The following NCOA3 variants were observed in gnomAD, a reference collection of about 807,000 sequenced individuals.
The protein encoded by NCOA3 is CBP-interacting protein.
In NCOA3, 51 loss-of-function variants were observed where a neutral mutation model predicts 158.8. The observed-to-expected ratio is 0.32, with a 90% confidence interval of 0.26 to 0.41. The LOEUF (loss-of-function observed/expected upper bound fraction) is 0.41, where lower values mean the gene tolerates loss of function less well. Ranked by LOEUF, NCOA3 falls within the 10% of genes least tolerant of loss-of-function variation. The pLI, the probability that NCOA3 is intolerant of heterozygous loss-of-function variation, is 1.00. For synonymous variants in NCOA3, 537 were observed against 592.4 expected, an observed-to-expected ratio of 0.91 and a Z score of 1.36; for missense variants, 1,510 against 1,746.6, an observed-to-expected ratio of 0.86 and a Z score of 2.41.
chr20:47,549,364 AT>A (rs2084892598), intron 1 of NCOA3, among the ~76,000 whole-genome samples: 1 of 150,558 alleles, frequency 6.6e-6, no homozygotes, highest in Non-Finnish European at 1.5e-5. Flanking sequence ...TTGACAAAAA[AT>A]TAAAAAAAAA....
At chr20:47,592,943 G>T (rs2085670679) in intron 2 of NCOA3, among the ~76,000 whole-genome samples, 2 of 152,036 alleles carry the variant, frequency 1.3e-5, no homozygotes, top group Admixed American at 1.3e-4. Flanking sequence ...ATGACAGACT[G>T]TTTTTTTGAG....
At position 47,636,394 on chromosome 20, in the gene NCOA3, A is replaced by G. The variant is rs1303122540; in HGVS notation, c.2008A>G (p.Thr670Ala). The G allele has an allele frequency of 6.2e-7, 1 of 1,614,132 alleles. No individual in the cohort carries two copies. Among genetic ancestry groups the G allele is most frequent in the Admixed American group, 1.7e-5 (1 of 60,010 alleles). ...CTCTACATCTGGAGGAGTATCCTCTACATCCAATATGCATGGGTCACTGTT... is the reference window on the plus strand; with the variant it reads ...CTCTACATCTGGAGGAGTATCCTCTGCATCCAATATGCATGGGTCACTGTT... ...SSSTSGGVSS[T>A]SNMHGSLLQE... The change falls in exon 12 of 23, where the codon ACA (threonine) becomes GCA (alanine). Residue 670 changes from threonine to alanine, a missense_variant. By Grantham distance (58) the Thr-to-Ala change is moderately conservative. This residue lies in a region of NCOA3 where 1,017 missense variants were observed against 1,098.3 expected (regional missense o/e 0.93). Coordinates refer to ENST00000371998, the MANE Select transcript of NCOA3 (RefSeq NM_181659.3).
chr20:47,550,446 G>GATAA (rs1555803263), intron 1 of NCOA3, among the ~76,000 whole-genome samples: 1 of 117,742 alleles, frequency 8.5e-6, no homozygotes, highest in Non-Finnish European at 1.7e-5. Flanking sequence ...CTCCGTCTCA[G>GATAA]AAAAAAAAAA....
chr20:47,639,638 A>G lies in NCOA3; in HGVS notation c.2769A>G (p.Pro923=), dbSNP rs1568748165. 6.2e-7 allele frequency: 1 copy of G among 1,613,954 alleles called. No homozygotes were observed. The highest frequency in any genetic ancestry group is 8.5e-7 in the Non-Finnish European group (1 of 1,179,876). ...QTPSSGDWGL[P]NSKAGRMEPM... is the part of the protein sequence containing the mutation. ...CTTCCTCAGGAGACTGGGGCTTACC[A>G]AACTCAAAGGCCGGCAGAATGGAAC... is the stretch of plus-strand genomic sequence containing the variant. The change falls in exon 15 of 23, where the codon CCA becomes CCG. Residue 923 remains proline, a synonymous_variant. Transcript: ENST00000371998.
In NCOA3 at chr20:47,642,217, C is replaced by T. The variant is rs1295957462; in HGVS notation, c.3085C>T (p.Leu1029Phe). ...TGATTGCAAGTCTTTTTCTAGGCCT[C>T]TTCTTAGGAATTCCCTGGATGATCT... ...QVSHGTQNRP[L>F]LRNSLDDLVG... The change falls in exon 17 of 23, where the codon CTT (leucine) becomes TTT (phenylalanine). Residue 1029 changes from leucine to phenylalanine, a missense_variant. Leu to Phe is a conservative substitution (Grantham distance 22). Coordinates refer to ENST00000371998, the MANE Select transcript of NCOA3 (RefSeq NM_181659.3). 3.2e-6 allele frequency: 5 copies of T among 1,579,000 alleles called. No individual in the cohort carries two copies. The highest frequency in any genetic ancestry group is 4.3e-6 in the Non-Finnish European group (5 of 1,168,252).
chr20:47,593,569 T>C (rs2146244326), intron 2 of NCOA3, among the ~76,000 whole-genome samples: 1 of 151,736 alleles, frequency 6.6e-6, no homozygotes, highest in East Asian at 2.0e-4. Context: ...GGTCTCGATC[T>C]CCTGACCTCG....
At chr20:47,525,932 CG>C (rs1255516580) in intron 1 of NCOA3, among the ~76,000 whole-genome samples, 8 of 64,934 alleles carry the variant, frequency 1.2e-4, no homozygotes, top group Non-Finnish European at 2.3e-4. Context: ...GCTGGCCGGG[CG>C]GGGGGCTGAC....
At position 47,637,765 on chromosome 20, in the gene NCOA3, C is replaced by A; in HGVS notation, c.2494C>A (p.Gln832Lys). ...SHLGTKQQVF[Q>K]GTNSLGLKSS... Reference sequence around the variant, plus strand: ...TCTGGGGACTAAGCAACAGGTGTTTCAAGGAACTAATTCTCTGGGTAAGAA... The same window carrying A: ...TCTGGGGACTAAGCAACAGGTGTTTAAAGGAACTAATTCTCTGGGTAAGAA... The change falls in exon 13 of 23, where the codon CAA becomes AAA. Residue 832 changes from glutamine to lysine, a missense_variant. By Grantham distance (53) the Gln-to-Lys change is moderately conservative. Around this residue, in one of 4 missense-constraint regions of NCOA3, gnomAD observed 1,017 missense variants for 1,098.3 expected, o/e 0.93. Transcript: ENST00000371998. The A allele has an allele frequency of 6.3e-7, 1 of 1,597,008 alleles. No homozygotes were observed. The highest frequency in any genetic ancestry group is 1.1e-5 in the South Asian group (1 of 87,488).
Position 47,522,607 on chromosome 20 carries a change from G to A in NCOA3, c.-99+20588G>A, listed in dbSNP as rs538702822. Among the ~76,000 whole-genome samples, 8 of 152,028 alleles carry A rather than the reference G, an allele frequency of 5.3e-5. No individual in the cohort carries two copies. The South Asian group carries it at 1.5e-3, about 28-fold the overall frequency. ...GCAGTGTTTGATTTGCATAGGGCTC[G>A]GGATTGGTTTGACTCAACAAATCAT... On this transcript the variant is annotated intron_variant, in intron 1 of 22. Transcript: ENST00000371998.
rs1301610377 is a variant in NCOA3 at position 47,634,203 on chromosome 20, T to C, written c.1112+8T>C. 11 of 1,610,768 alleles carry C rather than the reference T, an allele frequency of 6.8e-6. No homozygotes were observed. Among genetic ancestry groups the C allele is most frequent in the Non-Finnish European group, 9.3e-6 (11 of 1,177,658 alleles). ...AACCCACTTCCTTCAGAGGTAATGA[T>C]AGATTACTGTGTATTCTAATACAAA... On this transcript the variant is annotated splice_region_variant and intron_variant, in intron 10 of 22. Coordinates refer to ENST00000371998, the MANE Select transcript of NCOA3 (RefSeq NM_181659.3).
intron 1 of NCOA3, among the ~76,000 whole-genome samples, chr20:47,519,602 A>C (rs1337743592): frequency 2.0e-5 from 3 of 152,024 alleles, no homozygotes; most frequent in Non-Finnish European, 2.9e-5. Context: ...AAGACTGATA[A>C]AAAGACGGTG....
At chr20:47,601,853 T>A (rs1270724025) in intron 2 of NCOA3, among the ~76,000 whole-genome samples, 1 of 152,216 alleles carries the variant, frequency 6.6e-6, no homozygotes, top group Non-Finnish European at 1.5e-5. Flanking sequence ...TGAAAAATAG[T>A]ATGTATTGGA....
intron 1 of NCOA3, among the ~76,000 whole-genome samples, chr20:47,532,824 C>T (rs1388080605): frequency 1.3e-5 from 2 of 151,988 alleles, no homozygotes; most frequent in East Asian, 3.9e-4. Flanking sequence ...GATCATTTGG[C>T]TGGGCACGGT....
intron 1 of NCOA3, among the ~76,000 whole-genome samples, chr20:47,554,564 C>A (rs1415669936): frequency 8.1e-6 from 1 of 123,162 alleles, no homozygotes; most frequent in Non-Finnish European, 1.7e-5. Context: ...ACACCAATAA[C>A]AGACAAACAA....
intron 1 of NCOA3, among the ~76,000 whole-genome samples, chr20:47,534,861 G>A (rs1037042805): frequency 6.6e-6 from 1 of 152,062 alleles, no homozygotes; most frequent in Non-Finnish European, 1.5e-5. Flanking sequence ...GTTGCAGTGA[G>A]TAGAGATCAT....
intron 1 of NCOA3, among the ~76,000 whole-genome samples, chr20:47,539,089 C>G (rs1849722431): frequency 6.6e-6 from 1 of 152,116 alleles, no homozygotes; most frequent in South Asian, 2.1e-4. Context: ...GGTTGCTTAG[C>G]TTTTTCAGCC....
At chr20:47,561,469 T>A (rs1445120027) in intron 1 of NCOA3, among the ~76,000 whole-genome samples, 2 of 151,426 alleles carry the variant, frequency 1.3e-5, no homozygotes, top group African/African-American at 4.9e-5. Flanking sequence ...ACCCAGCTAA[T>A]TTTTTTTCTT....
intron 1 of NCOA3, among the ~76,000 whole-genome samples, chr20:47,503,238 G>A (rs2083970581): frequency 6.6e-6 from 1 of 152,220 alleles, no homozygotes; most frequent in Admixed American, 6.5e-5. Flanking sequence ...ATTTGTTGCA[G>A]CAGGTTGTTG....
At chr20:47,641,729 T>C (rs2086615018) in intron 16 of NCOA3, among the ~76,000 whole-genome samples, 2 of 151,770 alleles carry the variant, frequency 1.3e-5, no homozygotes, top group Non-Finnish European at 2.9e-5. Context: ...TCTCCTGACC[T>C]CGTGATCCGC....
Sources: gnomAD v4.1 joint callset for allele counts (sites outside exome capture counted in the v4.1 genomes callset) on GRCh38, gnomAD v4.1.1 for gene constraint, gnomAD v4.1.1 regional missense constraint, MANE v1.5 for transcripts, NCBI Gene and HGNC (gene_info 2026-07-23, HGNC 2026-07-21) for gene names.